The following MACROD2 variants were observed in gnomAD, a reference collection of about 807,000 sequenced individuals.
MACROD2 encodes ADP-ribose glycohydrolase MACROD2.
A neutral mutation model predicts 70.4 loss-of-function variants in MACROD2; 36 were observed. The ratio of observed to expected loss-of-function variants is 0.51; its 90% CI spans 0.39 to 0.68. MACROD2 has a LOEUF of 0.68. MACROD2 is among the 30% of genes least tolerant of loss of function. MACROD2 has a pLI of 0.00. For synonymous variants in MACROD2, 172 were observed against 178.8 expected (o/e 0.96, Z 0.30); for missense variants, 496 against 538.4 (o/e 0.92, Z 0.78).
At chr20:15,819,111 C>T (rs941279827) in intron 8 of MACROD2, among the ~76,000 whole-genome samples, 1 of 150,894 alleles carries the variant, frequency 6.6e-6, no homozygotes, top group Non-Finnish European at 1.5e-5. Context: ...ATGTTCATTG[C>T]AGCATTATTT....
intron 8 of MACROD2, among the ~76,000 whole-genome samples, chr20:15,519,272 G>A (rs1026360929): frequency 2.0e-5 from 3 of 152,032 alleles, no homozygotes; most frequent in Non-Finnish European, 4.4e-5. Context: ...CACCACACCC[G>A]GCTAATTTTT....
chr20:15,206,076 G>A (rs1205978941), intron 5 of MACROD2, among the ~76,000 whole-genome samples: 2 of 152,190 alleles, frequency 1.3e-5, no homozygotes, highest in South Asian at 2.1e-4. Context: ...TTGTGTGTGT[G>A]TGTGTGATGA....
intron 8 of MACROD2, among the ~76,000 whole-genome samples, chr20:15,538,402 G>C (rs6074913): frequency 0.087 from 13,207 of 152,246 alleles, 942 homozygotes; most frequent in African/African-American, 0.19. Context: ...AAGATTTCTT[G>C]CTCAATGACC....
chr20:15,878,372 G>A (rs1227667153), intron 9 of MACROD2, among the ~76,000 whole-genome samples: 1 of 152,070 alleles, frequency 6.6e-6, no homozygotes, highest in African/African-American at 2.4e-5. Flanking sequence ...TCAAACTTCA[G>A]TGTGCATGAG....
intron 8 of MACROD2, among the ~76,000 whole-genome samples, chr20:15,715,762 G>T (rs968440447): frequency 1.3e-5 from 2 of 152,194 alleles, no homozygotes; most frequent in African/African-American, 4.8e-5. Context: ...CGAGTACAAT[G>T]TATTGAGAAC....
intron 5 of MACROD2, among the ~76,000 whole-genome samples, chr20:15,144,879 A>G (rs1254154721): frequency 6.6e-6 from 1 of 152,178 alleles, no homozygotes; most frequent in Non-Finnish European, 1.5e-5. Flanking sequence ...ATAGTACTAT[A>G]TACTATACTT....
intron 3 of MACROD2, among the ~76,000 whole-genome samples, chr20:14,184,685 G>A (rs1179106783): frequency 1.3e-5 from 2 of 151,508 alleles, no homozygotes; most frequent in East Asian, 1.9e-4. Flanking sequence ...TTCTATTTGT[G>A]TTCTCTTTGA....
chr20:14,263,972 AACACACACACACACACACAC>A lies in MACROD2; in HGVS notation c.271+178280_271+178299del, dbSNP rs71190124. ...GGGTGACAGAGCAAGACCCTATCTAAACACACACACACACACACACACACACACACACACACACACACACA... is the reference window on the plus strand; with the variant it reads ...GGGTGACAGAGCAAGACCCTATCTAAACACACACACACACACACACACACA... On this transcript the variant is annotated intron_variant, in intron 3 of 17. Transcript: ENST00000684519. Among the ~76,000 whole-genome samples the A allele has an allele frequency of 4.3e-3, 553 of 127,134 alleles. 3 individuals carry two copies. The highest frequency in any genetic ancestry group is 5.9e-3 in the East Asian group (24 of 4,080). 83.4% of individuals were successfully genotyped at this position (127,134 alleles called of 152,430 possible).
At chr20:15,173,702 G>A (rs1264946790) in intron 5 of MACROD2, among the ~76,000 whole-genome samples, 3 of 152,114 alleles carry the variant, frequency 2.0e-5, no homozygotes, top group African/African-American at 7.2e-5. Context: ...TATAAATACA[G>A]TCATTTCAGT....
intron 6 of MACROD2, among the ~76,000 whole-genome samples, chr20:15,383,479 A>G (rs1246955734): frequency 3.3e-5 from 5 of 152,364 alleles, no homozygotes; most frequent in African/African-American, 1.2e-4. Flanking sequence ...ACCTTAGAGT[A>G]GGGTTTTCAT....
intron 5 of MACROD2, among the ~76,000 whole-genome samples, chr20:14,733,011 C>T (rs143524666): frequency 9.9e-5 from 15 of 152,194 alleles, no homozygotes; most frequent in Admixed American, 5.9e-4. Context: ...TAATTGAAAT[C>T]GAATTTCAGT....
intron 10 of MACROD2, among the ~76,000 whole-genome samples, chr20:15,894,210 TC>T: frequency 6.6e-6 from 1 of 152,302 alleles, no homozygotes; most frequent in East Asian, 1.9e-4. Flanking sequence ...TGCCGGGGCT[TC>T]CGGTGCTAAG....
intron 3 of MACROD2, among the ~76,000 whole-genome samples, chr20:14,331,660 C>T (rs978289190): frequency 5.3e-5 from 8 of 152,128 alleles, no homozygotes; most frequent in African/African-American, 1.9e-4. Flanking sequence ...CGTTTTATAT[C>T]TTCTCTTTCC....
chr20:14,535,695 C>T (rs1311017217), intron 4 of MACROD2, among the ~76,000 whole-genome samples: 2 of 151,896 alleles, frequency 1.3e-5, no homozygotes, highest in Admixed American at 6.6e-5. Flanking sequence ...CAGTATCTTC[C>T]GTTAGCTGCT....
At chr20:14,060,220 G>A (rs1360545594) in intron 2 of MACROD2, among the ~76,000 whole-genome samples, 1 of 152,086 alleles carries the variant, frequency 6.6e-6, no homozygotes, top group Non-Finnish European at 1.5e-5. Context: ...AAAGACTCTG[G>A]TTCCCTCTAT....
chr20:15,511,824 A>G (rs1350078214), intron 8 of MACROD2, among the ~76,000 whole-genome samples: 9 of 152,198 alleles, frequency 5.9e-5, no homozygotes, highest in Non-Finnish European at 1.0e-4. Flanking sequence ...CCTATTCCTC[A>G]CCTGTAAGAT....
At chr20:14,146,671 G>A (rs2054947188) in intron 3 of MACROD2, among the ~76,000 whole-genome samples, 1 of 152,212 alleles carries the variant, frequency 6.6e-6, no homozygotes, top group South Asian at 2.1e-4. Flanking sequence ...AGAAATCAGG[G>A]AAATCGTGGA....
intron 6 of MACROD2, among the ~76,000 whole-genome samples, chr20:15,298,379 C>G (rs2077610905): frequency 6.6e-6 from 1 of 152,184 alleles, no homozygotes; most frequent in African/African-American, 2.4e-5. Context: ...CCATACTGCT[C>G]TGAGCTCTGT....
intron 6 of MACROD2, among the ~76,000 whole-genome samples, chr20:15,360,016 C>A (rs2078333459): frequency 6.6e-6 from 1 of 152,158 alleles, no homozygotes; most frequent in Non-Finnish European, 1.5e-5. Context: ...CCCACCCACA[C>A]CATCTCTAAC....
Sources: gnomAD v4.1 joint callset for allele counts (sites outside exome capture counted in the v4.1 genomes callset) on GRCh38, gnomAD v4.1.1 for gene constraint, MANE v1.5 for transcripts, NCBI Gene and HGNC (gene_info 2026-07-23, HGNC 2026-07-21) for gene names.